The following A4GALT variants were observed in gnomAD, a reference collection of about 807,000 sequenced individuals.
The protein encoded by A4GALT is alpha 1,4-galactosyltransferase (P1PK blood group), also known as lactosylceramide 4-alpha-galactosyltransferase.
For missense variants in A4GALT, 512 were observed against 486.0 expected (o/e 1.05, Z -0.50); for synonymous variants, 257 against 220.7 (o/e 1.16, Z -1.46).
intron 1 of A4GALT, among the ~76,000 whole-genome samples, chr22:42,707,544 C>G (rs183495626): frequency 6.6e-6 from 1 of 152,202 alleles, no homozygotes; most frequent in East Asian, 1.9e-4. Flanking sequence ...GTAGTCCCAG[C>G]TACCTCGGGA....
intron 1 of A4GALT, among the ~76,000 whole-genome samples, chr22:42,715,432 T>G (rs1222057073): frequency 6.6e-6 from 1 of 152,072 alleles, no homozygotes; most frequent in East Asian, 1.9e-4. Context: ...AAAGGAAATG[T>G]AATTCAGGGC....
At chr22:42,700,107 G>A (rs967590077) in intron 1 of A4GALT, among the ~76,000 whole-genome samples, 10 of 152,228 alleles carry the variant, frequency 6.6e-5, no homozygotes, top group African/African-American at 2.4e-4. Context: ...AATCTACCCA[G>A]GAGACGGGGG....
intron 1 of A4GALT, among the ~76,000 whole-genome samples, chr22:42,719,331 T>G (rs934871047): frequency 2.0e-5 from 3 of 152,042 alleles, no homozygotes; most frequent in Non-Finnish European, 4.4e-5. Context: ...GGTGTAGTGG[T>G]GTGTGCCTGC....
chr22:42,703,303 T>C (rs1219000209), intron 1 of A4GALT, among the ~76,000 whole-genome samples: 1 of 146,076 alleles, frequency 6.8e-6, no homozygotes, highest in Non-Finnish European at 1.5e-5. Context: ...TTGCCAAGAC[T>C]GGAGTGCAGT....
chr22:42,696,184 G>T (rs1930919134), intron 1 of A4GALT, among the ~76,000 whole-genome samples: 1 of 148,224 alleles, frequency 6.7e-6, no homozygotes, highest in African/African-American at 2.5e-5. Context: ...ACTTTGGGAG[G>T]CCAAGGTGGG....
At chr22:42,709,067 A>ATATATATATATATATATATTTTTT (rs1180529043) in intron 1 of A4GALT, among the ~76,000 whole-genome samples, 41 of 128,790 alleles carry the variant, frequency 3.2e-4, no homozygotes, top group Non-Finnish European at 6.2e-4. Context: ...ATATATATAT[A>ATATATATATATATATATATTTTTT]TTTTTTTTAA....
At position 42,706,810 on chromosome 22, in the gene A4GALT, A is replaced by T. The variant is rs948723587; in HGVS notation, c.-187-11179T>A. On this transcript the variant is annotated intron_variant, in intron 1 of 2. Coordinates refer to ENST00000642412, the MANE Select transcript of A4GALT (RefSeq NM_017436.7). ...ACTCCATCTCAAAAAAAAAAAAATT[A>T]AAAAAAGAACAAGCAAAGATATAAA... 2.6e-5 allele frequency among the ~76,000 whole-genome samples: 4 copies of T among 152,048 alleles called. No individual in the cohort carries two copies. The East Asian group carries it at 5.8e-4, about 22-fold the overall frequency.
chr22:42,706,866 A>G (rs558944752), intron 1 of A4GALT, among the ~76,000 whole-genome samples: 1 of 152,238 alleles, frequency 6.6e-6, no homozygotes, highest in South Asian at 2.1e-4. Context: ...TGGGGCAAAA[A>G]TCTTAATATA....
intron 1 of A4GALT, among the ~76,000 whole-genome samples, chr22:42,708,092 A>T (rs1237573428): frequency 1.3e-5 from 2 of 151,998 alleles, no homozygotes; most frequent in Non-Finnish European, 2.9e-5. Context: ...CATCTCTACT[A>T]AAAATACAAA....
At chr22:42,716,492 T>C (rs957521971) in intron 1 of A4GALT, among the ~76,000 whole-genome samples, 2 of 152,160 alleles carry the variant, frequency 1.3e-5, no homozygotes, top group Non-Finnish European at 2.9e-5. Context: ...GTTCAATCCC[T>C]CACCATCCTG....
chr22:42,706,100 A>T (rs1921071337), intron 1 of A4GALT, among the ~76,000 whole-genome samples: 1 of 116,072 alleles, frequency 8.6e-6, no homozygotes, highest in Non-Finnish European at 2.0e-5. Context: ...TCACGCCTGT[A>T]ATCTCAGCAC....
At chr22:42,720,297 C>T (rs1922601488) in intron 1 of A4GALT, among the ~76,000 whole-genome samples, 3 of 152,220 alleles carry the variant, frequency 2.0e-5, no homozygotes, top group South Asian at 2.1e-4. Context: ...CCGGCGCCGA[C>T]GCTGCCAGCC....
At chr22:42,713,368 G>A (rs562582431) in intron 1 of A4GALT, among the ~76,000 whole-genome samples, 45 of 152,302 alleles carry the variant, frequency 3.0e-4, no homozygotes, top group Middle Eastern at 3.4e-3. Flanking sequence ...ACTGCCCTTC[G>A]CACCTTGACT....
intron 1 of A4GALT, among the ~76,000 whole-genome samples, chr22:42,718,947 C>T: frequency 6.6e-6 from 1 of 152,212 alleles, no homozygotes; most frequent in East Asian, 1.9e-4. Context: ...CTTCCGGGAC[C>T]TGCATCCCCA....
At chr22:42,716,146 T>A in intron 1 of A4GALT, among the ~76,000 whole-genome samples, 1 of 152,138 alleles carries the variant, frequency 6.6e-6, no homozygotes, top group East Asian at 1.9e-4. Context: ...AAATATAATT[T>A]AAATCTTCAG....
chr22:42,693,974 A>G lies in A4GALT; in HGVS notation c.-23T>C. On this transcript the variant is annotated 5_prime_UTR_variant, in exon 3 of 3. Coordinates refer to ENST00000642412, the MANE Select transcript of A4GALT (RefSeq NM_017436.7). ...CATGGTATCCCCAGATCAGACCAGG[A>G]GCTTCCAGCAGGAACCGGCTGGTCT... 1.3e-6 allele frequency: 2 copies of G among 1,555,032 alleles called. No individual in the cohort carries two copies. The highest frequency in any genetic ancestry group is 1.7e-6 in the Non-Finnish European group (2 of 1,150,164).
At chr22:42,720,294 C>T (rs974484315) in intron 1 of A4GALT, among the ~76,000 whole-genome samples, 4 of 71,494 alleles carry the variant, frequency 5.6e-5, no homozygotes, top group Non-Finnish European at 1.2e-4. Context: ...AGGCCGGCGC[C>T]GACGCTGCCA....
intron 1 of A4GALT, among the ~76,000 whole-genome samples, chr22:42,714,725 T>A (rs559412603): frequency 6.6e-6 from 1 of 151,618 alleles, no homozygotes; most frequent in Non-Finnish European, 1.5e-5. Context: ...GCCGAGATGG[T>A]GCCATTGCAC....
At chr22:42,709,067 A>ATATATATATATAT (rs1180529043) in intron 1 of A4GALT, among the ~76,000 whole-genome samples, 16 of 128,800 alleles carry the variant, frequency 1.2e-4, no homozygotes, top group African/African-American at 4.2e-4. Context: ...ATATATATAT[A>ATATATATATATAT]TTTTTTTTAA....
Sources: gnomAD v4.1 joint callset for allele counts (sites outside exome capture counted in the v4.1 genomes callset) on GRCh38, gnomAD v4.1.1 for gene constraint, MANE v1.5 for transcripts, NCBI Gene and HGNC (gene_info 2026-07-23, HGNC 2026-07-21) for gene names.